Variants in ATRX observed in about 807,000 individuals in gnomAD.
The protein encoded by ATRX is chromatin remodeler ATRX.
A neutral mutation model predicts 172.6 loss-of-function variants in ATRX; 12 were observed. The ratio of observed to expected loss-of-function variants is 0.07; its 90% CI spans 0.04 to 0.11. The LOEUF (loss-of-function observed/expected upper bound fraction) is 0.11. ATRX is among the 10% of genes least tolerant of loss of function. The pLI is 1.00. For missense variants in ATRX, 1,368 were observed against 1,767.4 expected (o/e 0.77, Z 4.05); for synonymous variants, 674 against 594.7 (o/e 1.13, Z -1.94).
Position 77,683,729 on chromosome X carries a change from A to G in ATRX, c.1527T>C (p.Thr509=). The change falls in exon 9 of 35, where the codon ACT becomes ACC. Residue 509 remains threonine, a synonymous_variant. Transcript: ENST00000373344. ...KEEPQYEPAN[T]SEDLDMDIVS... is the part of the protein sequence containing the mutation. ...CAATATCCATGTCTAAATCTTCAGAAGTGTTGGCAGGTTCATATTGAGGTT... is the reference window on the plus strand; with the variant it reads ...CAATATCCATGTCTAAATCTTCAGAGGTGTTGGCAGGTTCATATTGAGGTT... 1 of 1,211,008 alleles carries G rather than the reference A, an allele frequency of 8.3e-7. No homozygotes were observed. Among genetic ancestry groups the G allele is most frequent in the Non-Finnish European group, 1.1e-6 (1 of 895,116 alleles).
At chrX:77,619,088 G>T in intron 20 of ATRX, 107 bp from the exon 21 acceptor site, 1 of 535,804 alleles carries the variant, frequency 1.9e-6, no homozygotes, top group Non-Finnish European at 3.1e-6. Flanking sequence ...TTAGAATTAA[G>T]CTATAAAGAA....
At chrX:77,646,179 A>T (rs990580516) in intron 15 of ATRX, among the ~76,000 whole-genome samples, 1 of 112,195 alleles carries the variant, frequency 8.9e-6, no homozygotes, top group African/African-American at 3.2e-5. Flanking sequence ...GGACATAATA[A>T]TTTTTAAAAA....
intron 1 of ATRX, among the ~76,000 whole-genome samples, chrX:77,747,808 T>C (rs1295506268): frequency 2.7e-5 from 3 of 111,755 alleles, no homozygotes; most frequent in African/African-American, 9.7e-5. Flanking sequence ...CTTTATATAG[T>C]TTCCTTTAAG....
chrX:77,618,655 T>C, intron 21 of ATRX, 151 bp downstream of exon 21: 1 of 530,388 alleles, frequency 1.9e-6, no homozygotes, highest in Non-Finnish European at 3.0e-6. Context: ...AGAAATTTTT[T>C]AAGACAACGC....
At chrX:77,739,459 TAA>T (rs1367463558) in intron 1 of ATRX, among the ~76,000 whole-genome samples, 1 of 109,480 alleles carries the variant, frequency 9.1e-6, no homozygotes, top group African/African-American at 3.3e-5. Context: ...AATTTTTAAA[TAA>T]AACACTTTAT....
chrX:77,745,728 T>C (rs1187768580), intron 1 of ATRX, among the ~76,000 whole-genome samples: 1 of 111,010 alleles, frequency 9.0e-6, no homozygotes, highest in Non-Finnish European at 1.9e-5. Flanking sequence ...TCAATAATAA[T>C]TCATTATGCA....
chrX:77,569,690 C>G (rs781993046), intron 28 of ATRX, among the ~76,000 whole-genome samples: 2 of 111,724 alleles, frequency 1.8e-5, no homozygotes, highest in East Asian at 5.6e-4. Context: ...GTAAATCTAA[C>G]AAAAGATCTA....
Position 77,682,528 on chromosome X carries a change from T to C in ATRX, c.2728A>G (p.Lys910Glu), listed in dbSNP as rs782016225. 3 of 1,211,573 alleles carry C rather than the reference T, an allele frequency of 2.5e-6. No homozygotes were observed. The highest frequency in any genetic ancestry group is 3.0e-5 in the East Asian group (1 of 33,838). Reference sequence around the variant, plus strand: ...GTGGAAGCACTTGCTTGCTGCTTCTTAGGAAGTCGATCTCTTAATTCCATG... The same window carrying C: ...GTGGAAGCACTTGCTTGCTGCTTCTCAGGAAGTCGATCTCTTAATTCCATG... Reference protein sequence around the residue: ...TIMELRDRLPKKQQASASTDG... With the variant: ...TIMELRDRLPEKQQASASTDG... Residue 910 changes from lysine to glutamate, a missense_variant, in exon 9 of 35, where the codon AAG (lysine) becomes GAG (glutamate). Transcript: ENST00000373344.
intron 22 of ATRX, among the ~76,000 whole-genome samples, chrX:77,608,858 C>T (rs2067033684): frequency 9.0e-6 from 1 of 111,562 alleles, no homozygotes; most frequent in African/African-American, 3.3e-5. Context: ...GGATTAATGA[C>T]CACAATATAT....
chrX:77,670,017 A>G (rs1202442790), intron 10 of ATRX, among the ~76,000 whole-genome samples: 1 of 111,880 alleles, frequency 8.9e-6, no homozygotes, highest in Non-Finnish European at 1.9e-5. Flanking sequence ...AAAGATGATA[A>G]AAGGAGTTTT....
intron 19 of ATRX, among the ~76,000 whole-genome samples, chrX:77,624,156 G>A (rs2067715291): frequency 9.0e-6 from 1 of 111,268 alleles, no homozygotes; most frequent in Non-Finnish European, 1.9e-5. Context: ...ACGAGGTCAG[G>A]AGATCGAGAC....
chrX:77,649,864 T>G (rs1470868206), intron 15 of ATRX, among the ~76,000 whole-genome samples: 1 of 112,104 alleles, frequency 8.9e-6, no homozygotes, highest in Non-Finnish European at 1.9e-5. Context: ...ATGTCTTTAT[T>G]AGCAGCGTGA....
At chrX:77,693,545 CAT>C (rs782232289) in intron 6 of ATRX, among the ~76,000 whole-genome samples, 34 of 111,725 alleles carry the variant, frequency 3.0e-4, no homozygotes, top group African/African-American at 1.1e-3. Context: ...GGGGGGAAAA[CAT>C]AGTATTATGG....
chrX:77,718,792 G>A (rs1221930104), intron 1 of ATRX, among the ~76,000 whole-genome samples: 1 of 110,578 alleles, frequency 9.0e-6, no homozygotes, highest in African/African-American at 3.3e-5. Context: ...CTTAGAGTTA[G>A]CCTCTTGCTC....
At chrX:77,545,968 G>A (rs1557053211) in intron 30 of ATRX, among the ~76,000 whole-genome samples, 1 of 111,183 alleles carries the variant, frequency 9.0e-6, no homozygotes, top group African/African-American at 3.3e-5. Flanking sequence ...GTAAGATTGT[G>A]TAGTAACTAG....
At chrX:77,675,185 A>G (rs2148538651) in intron 10 of ATRX, 1 of 112,031 alleles carries the variant, frequency 8.9e-6, no homozygotes, top group South Asian at 3.7e-4. Context: ...ATGTTTTCTT[A>G]ATGTTAGAAC....
chrX:77,677,636 T>C (rs1472963016), intron 9 of ATRX, among the ~76,000 whole-genome samples: 1 of 106,054 alleles, frequency 9.4e-6, no homozygotes, highest in African/African-American at 3.4e-5. Context: ...TGAGGGAAAC[T>C]AAGTAAAGGT....
intron 10 of ATRX, among the ~76,000 whole-genome samples, chrX:77,673,196 T>C (rs1248194222): frequency 4.5e-5 from 5 of 111,344 alleles, no homozygotes; most frequent in Non-Finnish European, 9.5e-5. Flanking sequence ...AATTATGGTG[T>C]ATTTTCAATG....
At chrX:77,564,987 C>A (rs1409969072) in intron 28 of ATRX, among the ~76,000 whole-genome samples, 2 of 111,817 alleles carry the variant, frequency 1.8e-5, no homozygotes, top group East Asian at 2.8e-4. Context: ...TCAATGAAGA[C>A]CATGTAGGGA....
Sources: allele counts gnomAD v4.1 joint callset (sites outside exome capture counted in the v4.1 genomes callset), GRCh38; gene constraint gnomAD v4.1.1; transcripts MANE v1.5; gene names NCBI Gene and HGNC (gene_info 2026-07-23, HGNC 2026-07-21).